The following NGEF variants were observed in gnomAD, a reference collection of about 807,000 sequenced individuals.
The protein encoded by NGEF is neuronal guanine nucleotide exchange factor, also known as ephexin-1.
NGEF carries 31 observed loss-of-function variants against 80.9 expected under a neutral mutation model. The observed-to-expected ratio is 0.38, with a 90% confidence interval of 0.29 to 0.52. The LOEUF (loss-of-function observed/expected upper bound fraction) is 0.52. NGEF is among the 20% of genes least tolerant of loss of function. The pLI, the probability that NGEF is intolerant of heterozygous loss-of-function variation, is 0.84. For synonymous variants in NGEF, 371 were observed against 370.2 expected (o/e 1.00, Z -0.03); for missense variants, 709 against 926.2 (o/e 0.77, Z 3.04).
At chr2:232,951,669 C>T (rs1055699857) in intron 3 of NGEF, among the ~76,000 whole-genome samples, 3 of 152,152 alleles carry the variant, frequency 2.0e-5, no homozygotes, top group Non-Finnish European at 2.9e-5. Context: ...ACCTAGGAAC[C>T]GCCAGGATTC....
chr2:232,970,794 GAA>G (rs113392752), intron 2 of NGEF, among the ~76,000 whole-genome samples: 2 of 144,802 alleles, frequency 1.4e-5, no homozygotes, highest in Non-Finnish European at 3.0e-5. Context: ...CAGCCTGGGT[GAA>G]AAAAAAAAAA....
intron 3 of NGEF, among the ~76,000 whole-genome samples, chr2:232,949,169 G>C (rs1436260288): frequency 1.3e-5 from 2 of 152,224 alleles, no homozygotes; most frequent in Non-Finnish European, 2.9e-5. Flanking sequence ...GAGCTCTGCG[G>C]AGCCAGGACC....
chr2:232,933,111 A>ACAAT, intron 3 of NGEF, among the ~76,000 whole-genome samples: 1 of 140,170 alleles, frequency 7.1e-6, no homozygotes, highest in South Asian at 2.4e-4. Context: ...CTCCATCTCA[A>ACAAT]AAATAAATAA....
intron 5 of NGEF, among the ~76,000 whole-genome samples, chr2:232,918,207 C>T (rs563618382): frequency 5.3e-5 from 8 of 152,320 alleles, no homozygotes; most frequent in African/African-American, 1.9e-4. Flanking sequence ...ATCCACCCAC[C>T]TCGGCCTCCC....
chr2:232,972,140 G>T (rs1694207353), intron 2 of NGEF, among the ~76,000 whole-genome samples: 1 of 152,230 alleles, frequency 6.6e-6, no homozygotes, highest in East Asian at 1.9e-4. Context: ...ATCAATTTGG[G>T]TATGTAAATC....
In NGEF at chr2:232,892,040, CTG is replaced by C. The variant is rs1227373288; in HGVS notation, c.1143-555_1143-554del. 6.6e-6 allele frequency among the ~76,000 whole-genome samples: 1 copy of C among 151,988 alleles called. No individual in the cohort carries two copies. Among genetic ancestry groups the C allele is most frequent in the East Asian group, 1.9e-4 (1 of 5,200 alleles). Reference sequence around the variant, plus strand: ...AGGTGCTCAGCCTGTCACTCAGCCTCTGTGCTCACACGGCCTGGCGGGGGCCA... The same window carrying C: ...AGGTGCTCAGCCTGTCACTCAGCCTCTGCTCACACGGCCTGGCGGGGGCCA... On this transcript the variant is annotated intron_variant, in intron 7 of 14. Coordinates refer to ENST00000264051, the MANE Select transcript of NGEF (RefSeq NM_019850.3). This position sits in a 1 kb window ranked among gnomAD's most constrained non-coding sequence, Gnocchi z 4.0.
At chr2:232,909,742 T>G (rs1692653156) in intron 5 of NGEF, among the ~76,000 whole-genome samples, 2 of 152,128 alleles carry the variant, frequency 1.3e-5, no homozygotes, top group African/African-American at 4.8e-5. Flanking sequence ...ACCTAACCCT[T>G]GGGCAACCAT....
chr2:232,988,506 C>T lies in NGEF; in HGVS notation c.-74-13542G>A, dbSNP rs138022833. ...GGTGCAGCCAAGGGCAGCAGGCAGC[C>T]GCCATCCCTGCTGGTGGGAGTTTAC... On this transcript the variant is annotated intron_variant, in intron 1 of 14. Transcript: ENST00000264051. Among the ~76,000 whole-genome samples, 1,161 of 152,324 alleles carry T rather than the reference C, an allele frequency of 7.6e-3. 16 individuals carry two copies. Among genetic ancestry groups the T allele is most frequent in the African/African-American group, 0.026 (1,069 of 41,572 alleles).
chr2:232,930,774 C>T (rs776892366), intron 3 of NGEF, among the ~76,000 whole-genome samples: 3 of 152,210 alleles, frequency 2.0e-5, no homozygotes, highest in Admixed American at 6.5e-5. Flanking sequence ...GTGAATGTTG[C>T]GGGAGACACA....
At chr2:233,000,982 C>G (rs539705544) in intron 1 of NGEF, among the ~76,000 whole-genome samples, 1 of 152,264 alleles carries the variant, frequency 6.6e-6, no homozygotes, top group Non-Finnish European at 1.5e-5. Context: ...CAGTGTTGTA[C>G]CAGAGGCAGC....
intron 3 of NGEF, among the ~76,000 whole-genome samples, chr2:232,948,746 A>C (rs959800970): frequency 1.3e-5 from 2 of 152,194 alleles, no homozygotes; most frequent in Non-Finnish European, 2.9e-5. Flanking sequence ...GGCCAGGCAC[A>C]GTGGCTCACG....
intron 3 of NGEF, among the ~76,000 whole-genome samples, chr2:232,940,591 A>G (rs1170134639): frequency 6.6e-6 from 1 of 152,250 alleles, no homozygotes; most frequent in Non-Finnish European, 1.5e-5. Flanking sequence ...TTAATGTCCA[A>G]TAATAGATTG....
rs1340451434 is a variant in NGEF at position 232,920,387 on chromosome 2, A to G, written c.725T>C (p.Leu242Pro). The change falls in exon 5 of 15, where the codon CTC becomes CCC. Residue 242 changes from leucine to proline, a missense_variant. This residue lies in a region of NGEF where 283 missense variants were observed against 303.4 expected (regional missense o/e 0.93). Transcript: ENST00000264051. ...ERKTLPQICL[L>P]SNPHSRFNLW... ...GTTGAACCTTGAGTGGGGGTTACTG[A>G]GCAGGCAGATCTGGGGCAGAGTCTT... The G allele has an allele frequency of 3.1e-6, 5 of 1,614,046 alleles. No homozygotes were observed. The highest frequency in any genetic ancestry group is 4.2e-6 in the Non-Finnish European group (5 of 1,180,006).
intron 3 of NGEF, among the ~76,000 whole-genome samples, chr2:232,953,002 C>CA (rs1049190168): frequency 4.6e-5 from 4 of 87,058 alleles, no homozygotes; most frequent in Non-Finnish European, 9.4e-5. Context: ...AAAAAAACAA[C>CA]AAAAAAGCAA....
chr2:232,953,897 C>A (rs1257162205), intron 3 of NGEF, among the ~76,000 whole-genome samples: 1 of 152,148 alleles, frequency 6.6e-6, no homozygotes, highest in Non-Finnish European at 1.5e-5. Flanking sequence ...AACCGGCACT[C>A]AGGACAGTGG....
At chr2:232,979,277 G>A (rs1348667016) in intron 1 of NGEF, among the ~76,000 whole-genome samples, 3 of 151,506 alleles carry the variant, frequency 2.0e-5, no homozygotes, top group Admixed American at 1.3e-4. Context: ...AGAGTCAGGG[G>A]GATTGTCCTC....
rs568166579 is a variant in NGEF at position 232,966,439 on chromosome 2, C to T, written c.383+3775G>A. Among the ~76,000 whole-genome samples, 4 of 152,284 alleles carry T rather than the reference C, an allele frequency of 2.6e-5. No homozygotes were observed. In the East Asian group the frequency reaches 7.7e-4, roughly 29 times the overall value. ...CCCCAATCCCTGCTCAGCCTTGGCC[C>T]TCCTCCCCTTGCAGGCTGCTTCAGC... On this transcript the variant is annotated intron_variant, in intron 3 of 14. Coordinates refer to ENST00000264051, the MANE Select transcript of NGEF (RefSeq NM_019850.3).
chr2:233,008,894 T>C (rs1695145042), intron 1 of NGEF, among the ~76,000 whole-genome samples: 2 of 151,962 alleles, frequency 1.3e-5, no homozygotes, highest in Admixed American at 1.3e-4. Context: ...TCCACCTCCC[T>C]GGTTCAAGTG....
chr2:232,993,708 T>G (rs2106336411), intron 1 of NGEF, among the ~76,000 whole-genome samples: 1 of 152,310 alleles, frequency 6.6e-6, no homozygotes, highest in African/African-American at 2.4e-5. Flanking sequence ...TAAAAGGTGA[T>G]CTATCCTTAC....
Sources: gnomAD v4.1 joint callset for allele counts (sites outside exome capture counted in the v4.1 genomes callset) on GRCh38, gnomAD v4.1.1 for gene constraint, gnomAD v4.1.1 regional missense constraint, Gnocchi (gnomAD v3.1) non-coding constraint, MANE v1.5 for transcripts, NCBI Gene and HGNC (gene_info 2026-07-23, HGNC 2026-07-21) for gene names.